RAP1GAP2: variants seen among roughly 807,000 people sequenced by gnomAD.
The protein encoded by RAP1GAP2 is rap1 GTPase-activating protein 2.
RAP1GAP2 carries 27 observed loss-of-function variants against 95.0 expected under a neutral mutation model. The observed-to-expected ratio is 0.28, with a 90% CI of 0.21 to 0.39. RAP1GAP2 has a LOEUF of 0.39. Among genes scored for constraint, RAP1GAP2 ranks in the 10% least tolerant of loss-of-function variants. RAP1GAP2 has a pLI of 1.00. For synonymous variants in RAP1GAP2, 373 were observed against 380.9 expected (o/e 0.98, Z 0.24); for missense variants, 771 against 970.0 (o/e 0.79, Z 2.72).
At chr17:2,802,452 G>A (rs192919193) in intron 2 of RAP1GAP2, among the ~76,000 whole-genome samples, 52 of 152,288 alleles carry the variant, frequency 3.4e-4, no homozygotes, top group Middle Eastern at 3.4e-3. Context: ...GTTCACGCCT[G>A]TAATCCCAGT....
intron 2 of RAP1GAP2, among the ~76,000 whole-genome samples, chr17:2,813,250 C>T (rs533501149): frequency 6.7e-4 from 102 of 152,022 alleles, no homozygotes; most frequent in Non-Finnish European, 1.1e-3. Flanking sequence ...TGTTTTGTAT[C>T]TTTAGTAGAG....
chr17:2,944,161 C>CAAAA (rs36063732), intron 3 of RAP1GAP2, among the ~76,000 whole-genome samples: 5 of 81,800 alleles, frequency 6.1e-5, no homozygotes, highest in Admixed American at 3.0e-4. Context: ...ACAGCAAAAC[C>CAAAA]AAAAAAAAAA....
At chr17:2,875,796 C>T (rs2073068712) in intron 2 of RAP1GAP2, among the ~76,000 whole-genome samples, 1 of 152,048 alleles carries the variant, frequency 6.6e-6, no homozygotes, top group Non-Finnish European at 1.5e-5. Flanking sequence ...TTCTCTGTCT[C>T]CCTTGGTGAT....
At chr17:3,023,245 T>C (rs2047010949) in intron 19 of RAP1GAP2, among the ~76,000 whole-genome samples, 3 of 152,256 alleles carry the variant, frequency 2.0e-5, no homozygotes, top group African/African-American at 7.2e-5. Flanking sequence ...TGTATCCTTG[T>C]ATGGTTTTGA....
chr17:2,848,372 C>T (rs891411206), intron 2 of RAP1GAP2, among the ~76,000 whole-genome samples: 6 of 152,186 alleles, frequency 3.9e-5, no homozygotes, highest in Non-Finnish European at 8.8e-5. Flanking sequence ...GCGTTTATCA[C>T]GGAACGACCC....
In RAP1GAP2 at chr17:2,796,691, G is replaced by T; in HGVS notation, c.44+120G>T. 5 of 1,164,026 alleles carry T rather than the reference G, an allele frequency of 4.3e-6. No homozygotes were observed. Among genetic ancestry groups the T allele is most frequent in the Non-Finnish European group, 6.3e-6 (5 of 797,394 alleles). 72.1% of individuals were successfully genotyped at this position (1,164,026 alleles called of 1,614,324 possible). ...CGGGCTGTGCCTGAGAGCTGGGTCT[G>T]CTGACGCCCTGGCAGGTCGAGATGC... is the stretch of plus-strand genomic sequence containing the variant. On this transcript the variant is annotated intron_variant, in intron 1 of 24. Coordinates refer to ENST00000254695, the MANE Select transcript of RAP1GAP2 (RefSeq NM_015085.5). This position sits in a 1 kb window ranked among gnomAD's most constrained non-coding sequence, Gnocchi z 4.7.
upstream of RAP1GAP2, among the ~76,000 whole-genome samples, chr17:2,791,709 G>A (rs1310097857): frequency 2.6e-5 from 4 of 152,138 alleles, no homozygotes; most frequent in Admixed American, 6.5e-5. Context: ...CACAGATGCC[G>A]GTGCTGCCCT....
intron 2 of RAP1GAP2, among the ~76,000 whole-genome samples, chr17:2,852,914 A>T (rs918363030): frequency 3.3e-5 from 5 of 152,098 alleles, no homozygotes; most frequent in African/African-American, 1.2e-4. Flanking sequence ...TTCCTTTCCG[A>T]AGGAGATGAG....
At chr17:2,970,289 AAAAAAAAT>A (rs1399555714) in intron 8 of RAP1GAP2, among the ~76,000 whole-genome samples, 15 of 148,122 alleles carry the variant, frequency 1.0e-4, no homozygotes, top group Non-Finnish European at 1.9e-4. Context: ...AAAAAAAAAA[AAAAAAAAT>A]AATAATAATA....
At chr17:2,811,857 G>GC (rs1412024062) in intron 2 of RAP1GAP2, among the ~76,000 whole-genome samples, 1 of 152,120 alleles carries the variant, frequency 6.6e-6, no homozygotes, top group African/African-American at 2.4e-5. Context: ...GGGATTACAG[G>GC]CGTGAGCCAC....
intron 3 of RAP1GAP2, among the ~76,000 whole-genome samples, chr17:2,946,943 C>T (rs949533676): frequency 3.9e-5 from 6 of 152,158 alleles, no homozygotes; most frequent in African/African-American, 1.4e-4. Flanking sequence ...TTAGTAGAAA[C>T]AGGGTTTCTC....
At chr17:2,985,594 C>T (rs1436571435) in intron 11 of RAP1GAP2, among the ~76,000 whole-genome samples, 1 of 152,196 alleles carries the variant, frequency 6.6e-6, no homozygotes, top group Non-Finnish European at 1.5e-5. Context: ...CTATCTTCCT[C>T]CTTTGGAGAG....
chr17:2,760,154 G>A (rs573884100), intron 1 of RAP1GAP2, among the ~76,000 whole-genome samples: 9 of 151,620 alleles, frequency 5.9e-5, no homozygotes, highest in African/African-American at 1.9e-4. Flanking sequence ...TTAGCCAGGC[G>A]TGGTGGCGGG....
chr17:2,930,633 G>A (rs993768734), intron 3 of RAP1GAP2, among the ~76,000 whole-genome samples: 4 of 152,174 alleles, frequency 2.6e-5, no homozygotes, highest in South Asian at 2.1e-4. Flanking sequence ...CAGAGGCATC[G>A]CTCTCTTTTG....
chr17:2,831,289 C>A (rs537086383), intron 2 of RAP1GAP2, among the ~76,000 whole-genome samples: 1 of 150,712 alleles, frequency 6.6e-6, no homozygotes, highest in Admixed American at 6.6e-5. Flanking sequence ...ATTGGCCAGG[C>A]TGGTCTTGAA....
chr17:3,032,290 G>C, intron 23 of RAP1GAP2, 121 bp from the exon 24 acceptor site: 2 of 1,086,112 alleles, frequency 1.8e-6, no homozygotes, highest in Middle Eastern at 2.1e-4. Context: ...GCTTGTTCCT[G>C]GGGTCCTGAA....
chr17:2,983,399 G>A (rs1431399064), intron 10 of RAP1GAP2, among the ~76,000 whole-genome samples: 4 of 152,052 alleles, frequency 2.6e-5, no homozygotes, highest in African/African-American at 4.8e-5. Context: ...ATTCAAGTGC[G>A]TTGACATGCT....
In RAP1GAP2 at chr17:3,027,144, C is replaced by G. The variant is rs35213780; in HGVS notation, c.2107+74C>G. On this transcript the variant is annotated intron_variant, in intron 22 of 24. Transcript: ENST00000254695. The surrounding 1 kb of genome is among the most constrained non-coding windows in gnomAD (Gnocchi z 5.2). ...TGCCCTGTCCACTGTTAGCAGGGCCCCAGCCACGCTGAACTGGCCAGTTTT... is the reference window on the plus strand; with the variant it reads ...TGCCCTGTCCACTGTTAGCAGGGCCGCAGCCACGCTGAACTGGCCAGTTTT... 0.17 allele frequency: 248,074 copies of G among 1,481,678 alleles called. 21,462 individuals are homozygous for G. Among genetic ancestry groups the G allele is most frequent in the Non-Finnish European group, 0.17 (193,396 of 1,105,722 alleles). The allele number at this position is 1,481,678 out of a possible 1,614,324, so 91.8% of individuals were successfully genotyped here. A position where few individuals can be genotyped will look rare whatever the true frequency, so the allele number is the denominator to read the frequency against.
chr17:2,879,650 C>T (rs61174822), intron 2 of RAP1GAP2, among the ~76,000 whole-genome samples: 2,563 of 150,784 alleles, frequency 0.017, 72 homozygotes, highest in African/African-American at 0.059. Context: ...TGTTTGAACC[C>T]GGGAGGCAGA....
Sources: gnomAD v4.1 joint callset for allele counts (sites outside exome capture counted in the v4.1 genomes callset) on GRCh38, gnomAD v4.1.1 for gene constraint, Gnocchi (gnomAD v3.1) non-coding constraint, MANE v1.5 for transcripts, NCBI Gene and HGNC (gene_info 2026-07-23, HGNC 2026-07-21) for gene names.